POLQ: variants seen among roughly 807,000 people sequenced by gnomAD.
POLQ encodes the protein epididymis secretory sperm binding protein.
A neutral mutation model predicts 259.2 loss-of-function variants in POLQ; 233 were observed. That is an observed-to-expected ratio of 0.90 (90% confidence interval 0.81 to 1.00). The LOEUF is 1.00. Among genes scored for constraint, POLQ ranks in the 50% least tolerant of loss-of-function variants. The pLI, the probability that POLQ is intolerant of heterozygous loss-of-function variation, is 0.00. For synonymous variants in POLQ, 1,025 were observed against 1,048.8 expected (o/e 0.98, Z 0.44); for missense variants, 2,871 against 3,051.6 (o/e 0.94, Z 1.39).
At chr3:121,433,398 C>T (rs2047517676) in intron 28 of POLQ, among the ~76,000 whole-genome samples, 2 of 152,150 alleles carry the variant, frequency 1.3e-5, no homozygotes, top group African/African-American at 4.8e-5. Context: ...TGATTCCTGC[C>T]CCAGGAAAGC....
chr3:121,467,483 A>G (rs1229601965), intron 24 of POLQ, 36 bp downstream of exon 24: 1 of 1,602,092 alleles, frequency 6.2e-7, no homozygotes, highest in African/African-American at 1.3e-5. Flanking sequence ...ACATTCTCAC[A>G]GCAATGAGAA....
At position 121,509,580 on chromosome 3, in the gene POLQ, T is replaced by A. The variant is rs959109646; in HGVS notation, c.1940A>T (p.Asp647Val). The A allele has an allele frequency of 1.9e-6, 3 of 1,612,348 alleles. No homozygotes were observed. The highest frequency in any genetic ancestry group is 1.7e-6 in the Non-Finnish European group (2 of 1,179,082). ...ACTTACCAGATAGAGAATATGAAGA[T>A]CATTCTCTAAAACAAAGCCCTTCAT... The part of the protein sequence containing the change: ...RAMKGFVLEN[D>V]LHILYLVTPM... The change falls in exon 12 of 30, where the codon GAT (aspartate) becomes GTT (valine). Residue 647 changes from aspartate (D) to valine (V), a missense_variant. Around this residue, in one of 3 missense-constraint regions of POLQ, gnomAD observed 783 missense variants for 906.2 expected, o/e 0.86. Transcript: ENST00000264233.
chr3:121,459,946 G>A, intron 25 of POLQ, 104 bp downstream of exon 25: 1 of 851,930 alleles, frequency 1.2e-6, no homozygotes, highest in Non-Finnish European at 1.9e-6. Flanking sequence ...AAGATCCAAA[G>A]TTGGAGAAAC....
rs1275332404 is a variant in POLQ at position 121,468,440 on chromosome 3, A to C, written c.6719-9T>G. Reference sequence around the variant, plus strand: ...TGTAAAGGTTATTCGTCCTAAAATCAAGCAGAATAAAGACATAAAATCAGG... The same window carrying C: ...TGTAAAGGTTATTCGTCCTAAAATCCAGCAGAATAAAGACATAAAATCAGG... On this transcript the variant is annotated splice_polypyrimidine_tract_variant and intron_variant, in intron 22 of 29. Coordinates refer to ENST00000264233, the MANE Select transcript of POLQ (RefSeq NM_199420.4). The C allele has an allele frequency of 6.3e-7, 1 of 1,594,454 alleles. No individual in the cohort carries two copies. The highest frequency in any genetic ancestry group is 1.1e-5 in the South Asian group (1 of 89,804).
At chr3:121,441,299 T>C (rs1209086075) in intron 26 of POLQ, among the ~76,000 whole-genome samples, 1 of 152,096 alleles carries the variant, frequency 6.6e-6, no homozygotes, top group Non-Finnish European at 1.5e-5. Context: ...CAAAATACAC[T>C]CGCTTTAAAC....
intron 24 of POLQ, among the ~76,000 whole-genome samples, chr3:121,460,926 C>T (rs531058085): frequency 1.1e-4 from 16 of 152,294 alleles, no homozygotes; most frequent in Non-Finnish European, 1.9e-4. Flanking sequence ...TGCAACTGAT[C>T]TCACAAAAGA....
chr3:121,487,286 T>C lies in POLQ; in HGVS notation c.5629+16A>G. 7.0e-7 allele frequency: 1 copy of C among 1,434,466 alleles called. No homozygotes were observed. Among genetic ancestry groups the C allele is most frequent in the Middle Eastern group, 1.8e-4 (1 of 5,458 alleles). The allele number at this position is 1,434,466 out of a possible 1,614,324, so 88.9% of individuals were successfully genotyped here. On this transcript the variant is annotated intron_variant, in intron 16 of 29. Coordinates refer to ENST00000264233, the MANE Select transcript of POLQ (RefSeq NM_199420.4). Reference sequence around the variant, plus strand: ...AGTTTATAAATATGAAAAAATAAAATTAAAAAAATTCTTACCTTGCTTAAA... The same window carrying C: ...AGTTTATAAATATGAAAAAATAAAACTAAAAAAATTCTTACCTTGCTTAAA...
chr3:121,515,242 A>T (rs892056136), intron 9 of POLQ, among the ~76,000 whole-genome samples: 3 of 152,072 alleles, frequency 2.0e-5, no homozygotes, highest in African/African-American at 7.2e-5. Context: ...AACTCACTGA[A>T]GCCTGAAACT....
chr3:121,435,617 C>G (rs1026890447), intron 28 of POLQ, among the ~76,000 whole-genome samples: 3 of 152,212 alleles, frequency 2.0e-5, no homozygotes, highest in Admixed American at 6.5e-5. Flanking sequence ...TCCTGGGAAA[C>G]TCATCCGTCT....
At chr3:121,522,180 C>A in intron 7 of POLQ, 31 bp from the exon 8 acceptor site, 1 of 1,538,632 alleles carries the variant, frequency 6.5e-7, no homozygotes. Flanking sequence ...ACACCATTTG[C>A]TTCTAACTCA....
intron 26 of POLQ, among the ~76,000 whole-genome samples, chr3:121,446,596 A>G (rs996276015): frequency 2.0e-5 from 3 of 152,048 alleles, no homozygotes; most frequent in African/African-American, 4.8e-5. Flanking sequence ...TATTTGCTTT[A>G]TATGTCCAGG....
At chr3:121,507,561 T>C (rs1159791150) in intron 12 of POLQ, among the ~76,000 whole-genome samples, 3 of 152,046 alleles carry the variant, frequency 2.0e-5, no homozygotes, top group African/African-American at 7.2e-5. Context: ...ACTCTGTCTC[T>C]ACTAAAAATA....
chr3:121,440,483 G>A (rs186745034), intron 26 of POLQ, among the ~76,000 whole-genome samples: 37 of 152,084 alleles, frequency 2.4e-4, no homozygotes, highest in African/African-American at 8.2e-4. Flanking sequence ...TACAGGCACC[G>A]CGTCACGATG....
intron 25 of POLQ, 112 bp from the exon 26 acceptor site, chr3:121,449,538 A>G (rs191158012): frequency 2.8e-6 from 2 of 703,198 alleles, no homozygotes; most frequent in Non-Finnish European, 5.2e-6. Context: ...GAGTGAAACA[A>G]TGATTAGATT....
chr3:121,461,079 G>T (rs1019143242), intron 24 of POLQ, among the ~76,000 whole-genome samples: 1 of 152,058 alleles, frequency 6.6e-6, no homozygotes, highest in Non-Finnish European at 1.5e-5. Context: ...AAAATCTATG[G>T]CAAGAAACAA....
chr3:121,451,524 C>A (rs574592479), intron 25 of POLQ, among the ~76,000 whole-genome samples: 3 of 152,198 alleles, frequency 2.0e-5, no homozygotes, highest in Non-Finnish European at 2.9e-5. Context: ...CCCTCAGGTG[C>A]AGGTCTGTTG....
At chr3:121,445,473 C>T (rs2047624912) in intron 26 of POLQ, among the ~76,000 whole-genome samples, 1 of 152,146 alleles carries the variant, frequency 6.6e-6, no homozygotes, top group Non-Finnish European at 1.5e-5. Context: ...ATTCATTGTG[C>T]TGTCTCCTTT....
At chr3:121,513,790 A>G (rs913146681) in intron 9 of POLQ, among the ~76,000 whole-genome samples, 8 of 151,616 alleles carry the variant, frequency 5.3e-5, no homozygotes, top group Non-Finnish European at 1.0e-4. Flanking sequence ...TTGGGAGGCC[A>G]AGGAGTGTGG....
chr3:121,440,078 T>C lies in POLQ; in HGVS notation c.7303A>G (p.Lys2435Glu). 1 of 1,609,446 alleles carries C rather than the reference T, an allele frequency of 6.2e-7. No individual in the cohort carries two copies. The highest frequency in any genetic ancestry group is 8.5e-7 in the Non-Finnish European group (1 of 1,175,818). The change falls in exon 27 of 30, where the codon AAA becomes GAA. Residue 2435 changes from lysine to glutamate, a missense_variant. Lys to Glu is a moderately conservative substitution (Grantham distance 56, BLOSUM62 1). This residue lies in a region of POLQ where 2,080 missense variants were observed against 2,126.0 expected (regional missense o/e 0.98). Transcript: ENST00000264233. The part of the protein sequence containing the change: ...QFMTETVKNC[K>E]RDGFVQTILG... ...ATGGTCTGAACAAATCCGTCTCTTT[T>C]ACAATTCTTCACTGTCTCTGTCATG...
Sources: gnomAD v4.1 joint callset for allele counts (sites outside exome capture counted in the v4.1 genomes callset) on GRCh38, gnomAD v4.1.1 for gene constraint, gnomAD v4.1.1 regional missense constraint, MANE v1.5 for transcripts, NCBI Gene and HGNC (gene_info 2026-07-23, HGNC 2026-07-21) for gene names.